Variants in CNOT6L observed in about 807,000 individuals in gnomAD.
The protein encoded by CNOT6L is CCR4-NOT transcription complex subunit 6-like.
A neutral mutation model predicts 64.0 loss-of-function variants in CNOT6L; 7 were observed. The observed-to-expected ratio is 0.11, with a 90% CI of 0.06 to 0.21. CNOT6L has a LOEUF of 0.21. Ranked by LOEUF, CNOT6L falls within the 10% of genes least tolerant of loss-of-function variation. CNOT6L has a pLI of 1.00. For synonymous variants in CNOT6L, 193 were observed against 243.4 expected (o/e 0.79, Z 1.93); for missense variants, 245 against 669.0 (o/e 0.37, Z 6.99).
At chr4:77,773,008 CTT>C in intron 4 of CNOT6L, 71 bp downstream of exon 4, 1 of 838,526 alleles carries the variant, frequency 1.2e-6, no homozygotes, top group Non-Finnish European at 1.9e-6. Flanking sequence ...CATACTAAAA[CTT>C]GACCTTTTTA....
rs190672086 is a variant in CNOT6L at position 77,799,688 on chromosome 4, G to C, written c.5+19616C>G. On this transcript the variant is annotated intron_variant, in intron 1 of 11. Coordinates refer to ENST00000504123, the MANE Select transcript of CNOT6L (RefSeq NM_144571.3). ...CATTGCACTCCAGCCTAGGTGAGGG[G>C]AGTGAAACTCCATCTCAAAAAAAAA... Among the ~76,000 whole-genome samples, 4 of 128,432 alleles carry C rather than the reference G, an allele frequency of 3.1e-5. No individual in the cohort carries two copies. The East Asian group carries it at 6.6e-4, about 21-fold the overall frequency. The allele number at this position is 128,432 out of a possible 152,430, so 84.3% of individuals were successfully genotyped here.
chr4:77,757,884 G>C (rs1249981419), intron 4 of CNOT6L, among the ~76,000 whole-genome samples: 1 of 152,180 alleles, frequency 6.6e-6, no homozygotes, highest in Non-Finnish European at 1.5e-5. Flanking sequence ...ATTTTTAGTA[G>C]AGACAAGGTT....
At chr4:77,749,608 T>C (rs1334049009) in intron 5 of CNOT6L, among the ~76,000 whole-genome samples, 1 of 152,204 alleles carries the variant, frequency 6.6e-6, no homozygotes, top group Non-Finnish European at 1.5e-5. Context: ...AATGTAGCAG[T>C]TTAAGTATAA....
At chr4:77,739,162 T>C (rs1224467859) in intron 8 of CNOT6L, among the ~76,000 whole-genome samples, 2 of 152,240 alleles carry the variant, frequency 1.3e-5, no homozygotes, top group African/African-American at 2.4e-5. Context: ...ATTTTTATTA[T>C]AGTATTTTGC....
chr4:77,747,253 G>A (rs1255638821), intron 6 of CNOT6L, among the ~76,000 whole-genome samples: 3 of 151,976 alleles, frequency 2.0e-5, no homozygotes, highest in African/African-American at 7.3e-5. Flanking sequence ...TGTAAACTCC[G>A]CATCCCAGGT....
chr4:77,741,996 T>C, intron 8 of CNOT6L, 145 bp downstream of exon 8: 1 of 681,208 alleles, frequency 1.5e-6, no homozygotes. Context: ...GCCTGAGAAA[T>C]GAAACATTAA....
At chr4:77,721,860 T>C (rs929026958) in intron 11 of CNOT6L, among the ~76,000 whole-genome samples, 2 of 151,940 alleles carry the variant, frequency 1.3e-5, no homozygotes, top group African/African-American at 4.8e-5. Context: ...TAGTCCCAGC[T>C]ACTCGGAAGG....
chr4:77,735,782 CA>C (rs1193901759), intron 8 of CNOT6L, among the ~76,000 whole-genome samples: 1 of 152,126 alleles, frequency 6.6e-6, no homozygotes, highest in Non-Finnish European at 1.5e-5. Context: ...TTGTTATTTA[CA>C]GTGCATAATG....
chr4:77,750,335 T>A (rs1724715937), intron 5 of CNOT6L, among the ~76,000 whole-genome samples: 1 of 152,126 alleles, frequency 6.6e-6, no homozygotes, highest in African/African-American at 2.4e-5. Context: ...AATATATTCA[T>A]GTGAGACATG....
intron 1 of CNOT6L, chr4:77,819,103 G>T (rs1733991183): frequency 2.5e-6 from 2 of 787,618 alleles, no homozygotes; most frequent in South Asian, 3.0e-5. Flanking sequence ...CCTCTGAAGA[G>T]ACGCGGGTCA....
chr4:77,764,196 C>T (rs1049621286), intron 4 of CNOT6L, among the ~76,000 whole-genome samples: 3 of 152,152 alleles, frequency 2.0e-5, no homozygotes, highest in African/African-American at 7.2e-5. Context: ...ATAATCTCCA[C>T]ATTTTAAGTA....
At chr4:77,797,478 C>T (rs1730994191) in intron 1 of CNOT6L, among the ~76,000 whole-genome samples, 1 of 152,072 alleles carries the variant, frequency 6.6e-6, no homozygotes, top group African/African-American at 2.4e-5. Context: ...TTTAGTATAC[C>T]TGCCTATTAG....
chr4:77,727,253 C>T (rs1721961385), intron 10 of CNOT6L, among the ~76,000 whole-genome samples: 1 of 151,890 alleles, frequency 6.6e-6, no homozygotes, highest in Admixed American at 6.6e-5. Flanking sequence ...AACATGATTC[C>T]CCCCTTGTTA....
Position 77,776,159 on chromosome 4 carries a change from A to AGT in CNOT6L, c.127+110_127+111dup. ...AAACACTAGTATCTTACCATCTTGT[A>AGT]GTTTTTCAATGAGTCCATCTAATTA... is the stretch of plus-strand genomic sequence containing the variant. On this transcript the variant is annotated intron_variant, in intron 2 of 11. Coordinates refer to ENST00000504123, the MANE Select transcript of CNOT6L (RefSeq NM_144571.3). The AGT allele has an allele frequency of 3.0e-6, 3 of 1,003,862 alleles. No homozygotes were observed. The Admixed American group carries it at 6.9e-5, about 23-fold the overall frequency. The allele number at this position is 1,003,862 out of a possible 1,614,324, so 62.2% of individuals were successfully genotyped here.
intron 4 of CNOT6L, among the ~76,000 whole-genome samples, chr4:77,768,948 A>G (rs1420088845): frequency 2.0e-5 from 3 of 152,204 alleles, no homozygotes; most frequent in Admixed American, 2.0e-4. Context: ...CCTATGAAGT[A>G]TATCAGGAGA....
intron 4 of CNOT6L, among the ~76,000 whole-genome samples, chr4:77,766,106 CAG>C (rs139651163): frequency 2.4e-4 from 36 of 152,202 alleles, no homozygotes; most frequent in African/African-American, 8.2e-4. Context: ...CAGTTCTAGA[CAG>C]ATATTTATCA....
intron 1 of CNOT6L, among the ~76,000 whole-genome samples, chr4:77,797,373 T>G (rs979942238): frequency 6.6e-6 from 1 of 152,180 alleles, no homozygotes; most frequent in Non-Finnish European, 1.5e-5. Context: ...AGTTTTAAAT[T>G]GTGTGCCAGT....
chr4:77,745,908 AAG>A lies in CNOT6L; in HGVS notation c.560-1035_560-1034del, dbSNP rs376191158. ...TGTTTCAGATGATGGAAAAGGTATT[AAG>A]AGAAACTCAGTTCAGTCCCCTGGGG... On this transcript the variant is annotated intron_variant, in intron 6 of 11. Transcript: ENST00000504123. 3.5e-3 allele frequency among the ~76,000 whole-genome samples: 540 copies of A among 152,330 alleles called. 3 individuals carry two copies. The highest frequency in any genetic ancestry group is 0.013 in the African/African-American group (522 of 41,574).
intron 6 of CNOT6L, among the ~76,000 whole-genome samples, chr4:77,747,007 T>C (rs1724267751): frequency 6.6e-6 from 1 of 150,720 alleles, no homozygotes; most frequent in Non-Finnish European, 1.5e-5. Flanking sequence ...AATAGAACCA[T>C]GAAGAGGCTA....
Sources: gnomAD v4.1 joint callset for allele counts (sites outside exome capture counted in the v4.1 genomes callset) on GRCh38, gnomAD v4.1.1 for gene constraint, MANE v1.5 for transcripts, NCBI Gene and HGNC (gene_info 2026-07-23, HGNC 2026-07-21) for gene names.